ARID1A: variants seen among roughly 807,000 people sequenced by gnomAD.
ARID1A encodes AT-rich interactive domain-containing protein 1A.
ARID1A carries 20 observed loss-of-function variants against 212.6 expected under a neutral mutation model. The observed-to-expected ratio is 0.09, with a 90% CI of 0.07 to 0.14. The LOEUF is 0.14. Among genes scored for constraint, ARID1A ranks in the 10% least tolerant of loss-of-function variants. The pLI, the probability that ARID1A is intolerant of heterozygous loss-of-function variation, is 1.00. For synonymous variants in ARID1A, 1,376 were observed against 1,222.1 expected (o/e 1.13, Z -2.63); for missense variants, 2,587 against 3,059.0 (o/e 0.85, Z 3.64).
In ARID1A at chr1:26,748,801, G is replaced by T. The variant is rs543102967; in HGVS notation, c.1921-12055G>T. Among the ~76,000 whole-genome samples, 4 of 152,060 alleles carry T rather than the reference G, an allele frequency of 2.6e-5. No individual in the cohort carries two copies. The South Asian group carries it at 6.2e-4, about 24-fold the overall frequency. On this transcript the variant is annotated intron_variant, in intron 4 of 19. Transcript: ENST00000324856. ...GGACTGTGACAAACTGAAAAGCAGG[G>T]TTTCAACCAGTTAGCGGCCTATGGG...
rs905051930 is a variant in ARID1A, at chr1:26,697,397, A to G, written c.994A>G (p.Met332Val). ...GGGCGCCGGCAAGGGCCCGGCGGACATGGCCTCGCAGTGTTGGGGGGCTGC... is the reference window on the plus strand; with the variant it reads ...GGGCGCCGGCAAGGGCCCGGCGGACGTGGCCTCGCAGTGTTGGGGGGCTGC... ...DGGAGKGPAD[M>V]ASQCWGAAAA... The change falls in exon 1 of 20, where the codon ATG (methionine) becomes GTG (valine). Residue 332 changes from methionine (M) to valine (V), a missense_variant. Transcript: ENST00000324856. 2.4e-5 allele frequency: 32 copies of G among 1,327,126 alleles called. No homozygotes were observed. The highest frequency in any genetic ancestry group is 3.0e-5 in the Non-Finnish European group (31 of 1,047,682). 82.2% of individuals were successfully genotyped at this position (1,327,126 alleles called of 1,614,324 possible).
chr1:26,755,813 G>A (rs1051014720), intron 4 of ARID1A, among the ~76,000 whole-genome samples: 3 of 151,222 alleles, frequency 2.0e-5, no homozygotes, highest in Admixed American at 6.6e-5. Context: ...GTGCGATCTC[G>A]GCTCACTGCA....
rs765255248 is a variant in ARID1A at position 26,731,155 on chromosome 1, C to A, written c.1354C>A (p.Pro452Thr). 2.5e-6 allele frequency: 4 copies of A among 1,613,396 alleles called. No homozygotes were observed. Among genetic ancestry groups the A allele is most frequent in the South Asian group, 2.2e-5 (2 of 91,070 alleles). The change falls in exon 3 of 20, where the codon CCT (proline) becomes ACT (threonine). Residue 452 changes from proline (P) to threonine (T), a missense_variant. Physicochemically the swap from Pro to Thr is conservative, Grantham distance 38. Coordinates refer to ENST00000324856, the MANE Select transcript of ARID1A (RefSeq NM_006015.6). ...AGTATATTTTCCTTTCCTACAGATT[C>A]CTCCTTATGGACAACAAGGCCCCAG... is the stretch of plus-strand genomic sequence containing the variant. ...MGGLSYTQQIPPYGQQGPSGY... is the reference protein window; with the variant it reads ...MGGLSYTQQITPYGQQGPSGY...
At position 26,749,301 on chromosome 1, in the gene ARID1A, G is replaced by A. The variant is rs375218793; in HGVS notation, c.1921-11555G>A. On this transcript the variant is annotated intron_variant, in intron 4 of 19. Transcript: ENST00000324856. ...GGTGCCTAGAATTTCTCCGGGGGTA[G>A]GGGACAGCTGTGAGGAGCACCTTCT... Among the ~76,000 whole-genome samples the A allele has an allele frequency of 1.1e-4, 17 of 152,278 alleles. No individual in the cohort carries two copies. The East Asian group carries it at 3.3e-3, about 29-fold the overall frequency.
Position 26,781,090 on chromosome 1 carries a change from AT to A in ARID1A, c.*335del, listed in dbSNP as rs2081190038. 1.4e-5 allele frequency: 4 copies of A among 289,166 alleles called. No individual in the cohort carries two copies. Among genetic ancestry groups the A allele is most frequent in the South Asian group, 1.6e-4 (1 of 6,216 alleles). The allele number at this position is 289,166 out of a possible 1,614,324, so 17.9% of individuals were successfully genotyped here. A position where few individuals can be genotyped will look rare whatever the true frequency, so the allele number is the denominator to read the frequency against. ...TTTACAGTGAGTTTGGGGAAAAAAA[AT>A]AAAATAAAAATGGCTTTCCCAGTCC... On this transcript the variant is annotated 3_prime_UTR_variant, in exon 20 of 20. Coordinates refer to ENST00000324856, the MANE Select transcript of ARID1A (RefSeq NM_006015.6).
In ARID1A at chr1:26,780,958, TC is replaced by T. The variant is rs2081188445; in HGVS notation, c.*204del. ...CCTCCATCACCTCACGCCTTTCTGT[TC>T]CTTGTCCTCACCTTACTCCCCTCAG... On this transcript the variant is annotated 3_prime_UTR_variant, in exon 20 of 20. Coordinates refer to ENST00000324856, the MANE Select transcript of ARID1A (RefSeq NM_006015.6). This position sits in a 1 kb window ranked among gnomAD's most constrained non-coding sequence, Gnocchi z 7.2. 6 of 678,372 alleles carry T rather than the reference TC, an allele frequency of 8.8e-6. No homozygotes were observed. Among genetic ancestry groups the T allele is most frequent in the Non-Finnish European group, 1.4e-5 (6 of 427,164 alleles). 42.0% of individuals were successfully genotyped at this position (678,372 alleles called of 1,614,324 possible).
At chr1:26,710,263 G>T (rs1182168672) in intron 1 of ARID1A, among the ~76,000 whole-genome samples, 2 of 150,938 alleles carry the variant, frequency 1.3e-5, no homozygotes, top group Non-Finnish European at 3.0e-5. Context: ...GTGAAACCCC[G>T]TCTCTATTAA....
Position 26,774,979 on chromosome 1 carries a change from G to T in ARID1A, c.4752G>T (p.Gln1584His), listed in dbSNP as rs2081120212. The T allele has an allele frequency of 1.3e-6, 2 of 1,544,094 alleles. No individual in the cohort carries two copies. Among genetic ancestry groups the T allele is most frequent in the East Asian group, 2.3e-5 (1 of 44,064 alleles). Residue 1584 changes from glutamine to histidine, a missense_variant, in exon 18 of 20, where the codon CAG (glutamine) becomes CAT (histidine). By Grantham distance (24) the Gln-to-His change is conservative. This residue lies in a region of ARID1A where 890 missense variants were observed against 1,098.2 expected (regional missense o/e 0.81). Transcript: ENST00000324856. The surrounding 1 kb of genome is among the most constrained non-coding windows in gnomAD (Gnocchi z 5.6). ...PPPSMQNHIP[Q>H]VSSPAPLPRP... ...CAAGCATGCAGAATCACATTCCTCAGGTATCCAGCCCTGCTCCCCTGCCCC... is the reference window on the plus strand; with the variant it reads ...CAAGCATGCAGAATCACATTCCTCATGTATCCAGCCCTGCTCCCCTGCCCC...
intron 1 of ARID1A, among the ~76,000 whole-genome samples, chr1:26,714,838 A>C (rs1353968569): frequency 6.6e-6 from 1 of 152,214 alleles, no homozygotes; most frequent in Non-Finnish European, 1.5e-5. Flanking sequence ...GAAGTAGTCC[A>C]AGGCAGCCCT....
chr1:26,711,973 G>A (rs572570359), intron 1 of ARID1A, among the ~76,000 whole-genome samples: 3 of 152,144 alleles, frequency 2.0e-5, no homozygotes, highest in Non-Finnish European at 4.4e-5. Flanking sequence ...TCTCAGCTAC[G>A]TGGGGGCTGA....
chr1:26,763,327 G>C (rs2081009903), intron 8 of ARID1A, 42 bp downstream of exon 8: 1 of 1,534,064 alleles, frequency 6.5e-7, no homozygotes, highest in Non-Finnish European at 8.8e-7. Flanking sequence ...GCAAGAAAAT[G>C]TATTATAGAC....
intron 1 of ARID1A, chr1:26,728,014 A>T (rs1234687021): frequency 6.6e-6 from 1 of 152,232 alleles, no homozygotes; most frequent in Non-Finnish European, 1.5e-5. Context: ...TGTAGCTCTA[A>T]AATTATGATA....
chr1:26,775,321 G>T, intron 18 of ARID1A, 101 bp downstream of exon 18: 1 of 1,477,998 alleles, frequency 6.8e-7, no homozygotes, highest in South Asian at 1.4e-5. Context: ...ATCTGGTCCA[G>T]TGTTGACTAA....
rs780057354 is a variant in ARID1A at position 26,761,101 on chromosome 1, C to T, written c.2161+5C>T. 51 of 1,613,716 alleles carry T rather than the reference C, an allele frequency of 3.2e-5. 1 individual carries two copies. The South Asian group carries it at 5.2e-4, about 16-fold the overall frequency. On this transcript the variant is annotated splice_donor_5th_base_variant and intron_variant, in intron 5 of 19. Coordinates refer to ENST00000324856, the MANE Select transcript of ARID1A (RefSeq NM_006015.6). ...TCTCGCCTGCTGCAGTGCCAGGTACCCTCAAGTGCTGGGCTTTAGGGAGAG... is the reference window on the plus strand; with the variant it reads ...TCTCGCCTGCTGCAGTGCCAGGTACTCTCAAGTGCTGGGCTTTAGGGAGAG...
chr1:26,774,824 C>T lies in ARID1A; in HGVS notation c.4597C>T (p.Leu1533=), dbSNP rs761144372. The change falls in exon 18 of 20, where the codon CTG becomes TTG. Residue 1533 remains leucine, a synonymous_variant. Transcript: ENST00000324856. This position sits in a 1 kb window ranked among gnomAD's most constrained non-coding sequence, Gnocchi z 5.6. The part of the protein sequence containing the change: ...YHGVNRTDEM[L]HTDQRANHEG... ...TGGCGTGAACCGAACAGATGAAATG[C>T]TGCACACAGATCAGAGGGCCAACCA... The T allele has an allele frequency of 1.2e-6, 2 of 1,613,628 alleles. No individual in the cohort carries two copies. Among genetic ancestry groups the T allele is most frequent in the South Asian group, 2.2e-5 (2 of 91,036 alleles).
intron 8 of ARID1A, chr1:26,765,363 C>G (rs1229161757): frequency 6.6e-6 from 1 of 152,016 alleles, no homozygotes; most frequent in African/African-American, 2.4e-5. Flanking sequence ...TGGCAGGTGC[C>G]TGTAGTCCCA....
intron 4 of ARID1A, among the ~76,000 whole-genome samples, chr1:26,759,580 G>A (rs954978313): frequency 3.3e-5 from 5 of 152,152 alleles, no homozygotes; most frequent in Middle Eastern, 3.2e-3. Context: ...TTCAATTACA[G>A]TTAGTTCCCA....
At chr1:26,700,293 G>A (rs1372488160) in intron 1 of ARID1A, among the ~76,000 whole-genome samples, 4 of 152,114 alleles carry the variant, frequency 2.6e-5, no homozygotes, top group Admixed American at 6.5e-5. Flanking sequence ...TTTTCCTGGC[G>A]CAGTCTTAGA....
At chr1:26,776,012 CTG>C (rs1410107088) in intron 19 of ARID1A, 11 of 465,044 alleles carry the variant, frequency 2.4e-5, no homozygotes, top group African/African-American at 6.0e-5. Flanking sequence ...CTAGAAGAAT[CTG>C]TGTTTTTTTG....
Sources: allele counts gnomAD v4.1 joint callset (sites outside exome capture counted in the v4.1 genomes callset), GRCh38; gene constraint gnomAD v4.1.1; regional missense constraint gnomAD v4.1.1; non-coding constraint Gnocchi (gnomAD v3.1); transcripts MANE v1.5; gene names NCBI Gene and HGNC (gene_info 2026-07-23, HGNC 2026-07-21).